OSBPL8: variants seen among roughly 807,000 people sequenced by gnomAD.
The protein encoded by OSBPL8 is oxysterol binding protein like 8.
Under a neutral mutation model 125.5 loss-of-function variants are expected in OSBPL8, and 59 were observed. That is an observed-to-expected ratio of 0.47 (90% CI 0.38 to 0.58). OSBPL8 has a LOEUF of 0.58. OSBPL8 is among the 20% of genes least tolerant of loss of function. The pLI is 0.00. For missense variants in OSBPL8, 758 were observed against 1,047.8 expected (o/e 0.72, Z 3.82); for synonymous variants, 330 against 338.9 (o/e 0.97, Z 0.29).
intron 1 of OSBPL8, among the ~76,000 whole-genome samples, chr12:76,526,140 A>C (rs1950163513): frequency 6.6e-6 from 1 of 152,196 alleles, no homozygotes. Flanking sequence ...TTCAATTTTA[A>C]TTCACAGAAC....
At chr12:76,507,544 G>A (rs1175501792) in intron 1 of OSBPL8, among the ~76,000 whole-genome samples, 5 of 151,858 alleles carry the variant, frequency 3.3e-5, no homozygotes, top group African/African-American at 1.2e-4. Flanking sequence ...AATGTGCCGG[G>A]TGTGGTGGCT....
chr12:76,361,316 G>T lies in OSBPL8; in HGVS notation c.2329-2505C>A, dbSNP rs920325805. On this transcript the variant is annotated intron_variant, in intron 21 of 23. Transcript: ENST00000261183. The stretch of plus-strand genomic sequence containing the variant: ...CATAACAAGAGTCACCTTTGCTCCA[G>T]TTCCCAACAAGTTCCTCATCTCCAT... Among the ~76,000 whole-genome samples the T allele has an allele frequency of 2.0e-5, 3 of 152,262 alleles. No individual in the cohort carries two copies. In the South Asian group the frequency reaches 6.2e-4, roughly 32 times the overall value.
chr12:76,481,089 C>A (rs1877422900), intron 2 of OSBPL8, among the ~76,000 whole-genome samples: 1 of 152,162 alleles, frequency 6.6e-6, no homozygotes, highest in Non-Finnish European at 1.5e-5. Flanking sequence ...TGAATGCATT[C>A]TCTAGATACT....
chr12:76,434,029 A>G (rs1384982073), intron 4 of OSBPL8, among the ~76,000 whole-genome samples: 2 of 151,910 alleles, frequency 1.3e-5, no homozygotes, highest in Admixed American at 1.3e-4. Context: ...ACAAAGACCC[A>G]GAATAGCTAA....
intron 2 of OSBPL8, among the ~76,000 whole-genome samples, 184 bp downstream of exon 2, chr12:76,487,326 T>C (rs1413365470): frequency 6.6e-6 from 1 of 152,184 alleles, no homozygotes; most frequent in African/African-American, 2.4e-5. Flanking sequence ...CCACCATGCC[T>C]AGCTAGCTAT....
At chr12:76,377,234 A>T (rs973594781) in intron 16 of OSBPL8, among the ~76,000 whole-genome samples, 7 of 152,328 alleles carry the variant, frequency 4.6e-5, no homozygotes, top group Middle Eastern at 3.4e-3. Context: ...TGCAATAAAC[A>T]TACGTGTACA....
intron 23 of OSBPL8, 111 bp downstream of exon 23, chr12:76,356,515 A>G: frequency 1.5e-6 from 1 of 656,460 alleles, no homozygotes; most frequent in Non-Finnish European, 2.5e-6. Context: ...ATTGTATTTT[A>G]GCTTAGCTAA....
At position 76,496,203 on chromosome 12, in the gene OSBPL8, A is replaced by T. The variant is rs560007883; in HGVS notation, c.-67-8585T>A. Among the ~76,000 whole-genome samples, 3 of 152,034 alleles carry T rather than the reference A, an allele frequency of 2.0e-5. No individual in the cohort carries two copies. The East Asian group carries it at 5.8e-4, about 29-fold the overall frequency. ...TTTGAATCTTTCTAACTACACAGGA[A>T]TTTAAGTGCTCTGCTGTTTGGTGTT... On this transcript the variant is annotated intron_variant, in intron 1 of 23. Transcript: ENST00000261183.
In OSBPL8 at chr12:76,354,704, C is replaced by A. The variant is rs956140467; in HGVS notation, c.*1185G>T. ...CTGAAGAAACAAACAAAAAAATTTG[C>A]CTTAGCCTGAACAATAGGAATCTTA... is the stretch of plus-strand genomic sequence containing the variant. On this transcript the variant is annotated 3_prime_UTR_variant, in exon 24 of 24. Transcript: ENST00000261183. 1.3e-5 allele frequency: 2 copies of A among 151,786 alleles called. No homozygotes were observed. The highest frequency in any genetic ancestry group is 2.9e-5 in the Non-Finnish European group (2 of 67,800). 9.4% of individuals were successfully genotyped at this position (151,786 alleles called of 1,614,324 possible). A position where few individuals can be genotyped will look rare whatever the true frequency, so the allele number is the denominator to read the frequency against.
At chr12:76,542,596 T>C (rs1475951915) in intron 1 of OSBPL8, among the ~76,000 whole-genome samples, 1 of 152,158 alleles carries the variant, frequency 6.6e-6, no homozygotes, top group African/African-American at 2.4e-5. Context: ...GTGATGTACT[T>C]TTAGAACCAC....
In OSBPL8 at chr12:76,559,728, G is replaced by C. The variant is rs900798350; in HGVS notation, c.-399C>G. On this transcript the variant is annotated 5_prime_UTR_variant, in exon 1 of 24. Coordinates refer to ENST00000261183, the MANE Select transcript of OSBPL8 (RefSeq NM_020841.5). ...CTACAGCCGCCGCCTGGCCAGGAGC[G>C]CGTCGCGGCCTAATGTTGTCATCCG... 2.0e-5 allele frequency: 3 copies of C among 152,298 alleles called. No individual in the cohort carries two copies. Among genetic ancestry groups the C allele is most frequent in the Admixed American group, 6.5e-5 (1 of 15,288 alleles). 9.4% of individuals were successfully genotyped at this position (152,298 alleles called of 1,614,324 possible). A position where few individuals can be genotyped will look rare whatever the true frequency, so the allele number is the denominator to read the frequency against.
intron 4 of OSBPL8, among the ~76,000 whole-genome samples, chr12:76,426,868 C>G (rs1158776796): frequency 2.6e-5 from 4 of 151,990 alleles, no homozygotes; most frequent in African/African-American, 9.7e-5. Context: ...TACTAAATAC[C>G]ATAATAGCAG....
In OSBPL8 at chr12:76,355,875, A is replaced by T. The variant is rs550059293; in HGVS notation, c.*14T>A. The T allele has an allele frequency of 1.2e-6, 2 of 1,611,628 alleles. No homozygotes were observed. Among genetic ancestry groups the T allele is most frequent in the Admixed American group, 3.4e-5 (2 of 59,694 alleles). On this transcript the variant is annotated 3_prime_UTR_variant, in exon 24 of 24. Coordinates refer to ENST00000261183, the MANE Select transcript of OSBPL8 (RefSeq NM_020841.5). ...CAGATCTTTCTAGTTCACTGATTCA[A>T]TGGTAGAGAACTTCTACTTGAACAT...
At chr12:76,464,219 C>G (rs547813583) in intron 2 of OSBPL8, among the ~76,000 whole-genome samples, 1 of 152,108 alleles carries the variant, frequency 6.6e-6, no homozygotes, top group Non-Finnish European at 1.5e-5. Flanking sequence ...CAGTGTACCA[C>G]GATCCATGAT....
rs142419825 is a variant in OSBPL8 at position 76,516,875 on chromosome 12, C to T, written c.-67-29257G>A. Among the ~76,000 whole-genome samples, 117 of 148,206 alleles carry T rather than the reference C, an allele frequency of 7.9e-4. 2 individuals are homozygous for T. The East Asian group carries it at 0.02, about 25-fold the overall frequency. On this transcript the variant is annotated intron_variant, in intron 1 of 23. Coordinates refer to ENST00000261183, the MANE Select transcript of OSBPL8 (RefSeq NM_020841.5). ...TGTTGTTCAGGCTGGAGTGCAGTGG[C>T]GCAGTATCGGCTCACCACAACCTCC...
At chr12:76,404,992 A>G (rs1004703939) in intron 5 of OSBPL8, among the ~76,000 whole-genome samples, 1 of 152,176 alleles carries the variant, frequency 6.6e-6, no homozygotes, top group Non-Finnish European at 1.5e-5. Flanking sequence ...GGACACTAAA[A>G]CTAACAGATT....
chr12:76,396,664 G>T (rs1953817835), intron 8 of OSBPL8, among the ~76,000 whole-genome samples: 1 of 152,120 alleles, frequency 6.6e-6, no homozygotes, highest in Non-Finnish European at 1.5e-5. Flanking sequence ...TGCGGTGGGA[G>T]AACTGCTTAA....
intron 4 of OSBPL8, among the ~76,000 whole-genome samples, chr12:76,428,529 A>G (rs941739076): frequency 4.6e-5 from 7 of 152,186 alleles, no homozygotes; most frequent in African/African-American, 1.7e-4. Flanking sequence ...CATTAGGATG[A>G]AAGCACTGTA....
intron 6 of OSBPL8, among the ~76,000 whole-genome samples, chr12:76,400,450 G>T (rs1954005672): frequency 6.6e-6 from 1 of 152,138 alleles, no homozygotes; most frequent in South Asian, 2.1e-4. Context: ...GAACAGTGCT[G>T]CAATGAACAT....
Sources: allele counts gnomAD v4.1 joint callset (sites outside exome capture counted in the v4.1 genomes callset), GRCh38; gene constraint gnomAD v4.1.1; transcripts MANE v1.5; gene names NCBI Gene and HGNC (gene_info 2026-07-23, HGNC 2026-07-21).